Variants in RBFOX1 observed in about 807,000 individuals in gnomAD.
RBFOX1 encodes the protein RNA binding protein fox-1 homolog 1.
Under a neutral mutation model 57.7 loss-of-function variants are expected in RBFOX1, and 8 were observed. The observed-to-expected ratio is 0.14, with a 90% CI of 0.08 to 0.25. The LOEUF (loss-of-function observed/expected upper bound fraction) is 0.25, where lower values mean the gene tolerates loss of function less well. Among genes scored for constraint, RBFOX1 ranks in the 10% least tolerant of loss-of-function variants. The pLI, the probability that RBFOX1 is intolerant of heterozygous loss-of-function variation, is 1.00. For synonymous variants in RBFOX1, 326 were observed against 222.4 expected, an observed-to-expected ratio of 1.47 and a Z score of -4.15; for missense variants, 611 against 548.5, an observed-to-expected ratio of 1.11 and a Z score of -1.14.
chr16:5,661,290 G>T (rs2109001), intron 3 of RBFOX1, among the ~76,000 whole-genome samples: 1 of 151,948 alleles, frequency 6.6e-6, no homozygotes, highest in African/African-American at 2.4e-5. Flanking sequence ...TCCAGGGTCA[G>T]TGACAGTGAA....
At chr16:6,269,838 C>G (rs1421866845) in intron 1 of RBFOX1, among the ~76,000 whole-genome samples, 2 of 152,138 alleles carry the variant, frequency 1.3e-5, no homozygotes, top group Non-Finnish European at 2.9e-5. Flanking sequence ...TTTTCCTTCT[C>G]TGGTGTTTTC....
At chr16:6,368,393 A>G (rs541650819) in intron 2 of RBFOX1, among the ~76,000 whole-genome samples, 3 of 152,218 alleles carry the variant, frequency 2.0e-5, no homozygotes, top group Non-Finnish European at 4.4e-5. Context: ...TGATCTAACC[A>G]CTGCCACACA....
intron 3 of RBFOX1, among the ~76,000 whole-genome samples, chr16:6,810,784 C>T (rs78797377): frequency 0.018 from 2,706 of 152,146 alleles, 87 homozygotes; most frequent in South Asian, 0.1. Flanking sequence ...GTCATAAAAC[C>T]ATCAGATCTC....
intron 1 of RBFOX1, among the ~76,000 whole-genome samples, chr16:6,218,913 T>G (rs538448941): frequency 1.3e-5 from 2 of 151,590 alleles, no homozygotes; most frequent in East Asian, 3.9e-4. Context: ...TCTTAAGTGC[T>G]GCATGCAAGT....
chr16:7,137,960 T>C (rs753522573), intron 4 of RBFOX1, among the ~76,000 whole-genome samples: 1 of 152,160 alleles, frequency 6.6e-6, no homozygotes, highest in Non-Finnish European at 1.5e-5. Flanking sequence ...TTAGCCTCTA[T>C]TTTCATGGTT....
At chr16:5,744,587 G>A (rs117150819) in intron 3 of RBFOX1, among the ~76,000 whole-genome samples, 1 of 152,250 alleles carries the variant, frequency 6.6e-6, no homozygotes, top group South Asian at 2.1e-4. Flanking sequence ...GGCACACAAT[G>A]TAAATCAGGG....
At chr16:7,641,914 C>T (rs2062874543) in intron 11 of RBFOX1, among the ~76,000 whole-genome samples, 1 of 150,852 alleles carries the variant, frequency 6.6e-6, no homozygotes, top group South Asian at 2.1e-4. Flanking sequence ...AAATGCTACT[C>T]TTTCTTTTTC....
At chr16:7,510,516 CGCGCGCA>C (rs1567589452) in intron 4 of RBFOX1, among the ~76,000 whole-genome samples, 32 of 132,576 alleles carry the variant, frequency 2.4e-4, no homozygotes, top group African/African-American at 1.1e-3. Context: ...TGTGTGGGCG[CGCGCGCA>C]CGCGCGCACG....
intron 3 of RBFOX1, among the ~76,000 whole-genome samples, chr16:6,790,511 T>G (rs1306435898): frequency 6.6e-6 from 1 of 152,144 alleles, no homozygotes; most frequent in East Asian, 1.9e-4. Flanking sequence ...TTGTTTTGTT[T>G]GCATCATAGT....
At chr16:7,442,913 A>T (rs1875874083) in intron 4 of RBFOX1, among the ~76,000 whole-genome samples, 1 of 152,170 alleles carries the variant, frequency 6.6e-6, no homozygotes, top group Non-Finnish European at 1.5e-5. Context: ...GATTTGAGCC[A>T]TTGCCTGTTC....
chr16:5,778,358 C>T (rs1308796891), intron 3 of RBFOX1, among the ~76,000 whole-genome samples: 1 of 152,198 alleles, frequency 6.6e-6, no homozygotes, highest in Non-Finnish European at 1.5e-5. Context: ...GACCCCCGAC[C>T]TGGCTAGTTC....
chr16:5,396,418 A>G (rs1415572047), intron 1 of RBFOX1, among the ~76,000 whole-genome samples: 1 of 152,118 alleles, frequency 6.6e-6, no homozygotes, highest in East Asian at 1.9e-4. Context: ...AGGCAGGTGA[A>G]CCACTTGAGG....
intron 1 of RBFOX1, among the ~76,000 whole-genome samples, chr16:6,192,426 T>G (rs2097147696): frequency 6.6e-6 from 1 of 152,124 alleles, no homozygotes. Flanking sequence ...TGTCTTTATT[T>G]GAGCCCCTCT....
intron 1 of RBFOX1, among the ~76,000 whole-genome samples, chr16:5,449,760 C>A (rs537304387): frequency 6.6e-6 from 1 of 152,172 alleles, no homozygotes; most frequent in East Asian, 1.9e-4. Flanking sequence ...AGATGTATGC[C>A]ACCATGCCTG....
intron 14 of RBFOX1, among the ~76,000 whole-genome samples, chr16:7,698,850 G>A (rs893885262): frequency 8.5e-5 from 13 of 152,182 alleles, no homozygotes; most frequent in Non-Finnish European, 1.8e-4. Flanking sequence ...TCTCAGGCTT[G>A]CTGCATGCAA....
chr16:7,094,982 G>GTAAA (rs1317236462), intron 4 of RBFOX1, among the ~76,000 whole-genome samples: 1 of 152,032 alleles, frequency 6.6e-6, no homozygotes, highest in Non-Finnish European at 1.5e-5. Flanking sequence ...AACATCAAAG[G>GTAAA]TAAACATCAA....
intron 1 of RBFOX1, among the ~76,000 whole-genome samples, chr16:6,066,634 G>A (rs1035446535): frequency 6.6e-6 from 1 of 152,146 alleles, no homozygotes; most frequent in Admixed American, 6.5e-5. Context: ...CCAGAATTTG[G>A]ATTCTCAGGA....
chr16:5,259,891 C>G (rs944852043), intron 1 of RBFOX1, among the ~76,000 whole-genome samples: 3 of 152,042 alleles, frequency 2.0e-5, no homozygotes, highest in Admixed American at 2.0e-4. Context: ...TGGGTATGAT[C>G]AGATCTTCTG....
At chr16:6,998,680 C>G (rs891809792) in intron 3 of RBFOX1, among the ~76,000 whole-genome samples, 1 of 151,970 alleles carries the variant, frequency 6.6e-6, no homozygotes, top group African/African-American at 2.4e-5. Flanking sequence ...TCAGACTATT[C>G]CAAGAATGAA....
Sources: gnomAD v4.1 joint callset for allele counts (sites outside exome capture counted in the v4.1 genomes callset) on GRCh38, gnomAD v4.1.1 for gene constraint, MANE v1.5 for transcripts, NCBI Gene and HGNC (gene_info 2026-07-23, HGNC 2026-07-21) for gene names.